Variants in ARMC9 observed in about 807,000 individuals in gnomAD.
ARMC9 encodes lisH domain-containing protein ARMC9.
A neutral mutation model predicts 107.0 loss-of-function variants in ARMC9; 94 were observed. The observed-to-expected ratio is 0.88, with a 90% CI of 0.74 to 1.04. The LOEUF is 1.04. ARMC9 is among the 50% of genes least tolerant of loss of function. The probability of loss-of-function intolerance (pLI) is 0.00; values close to 1 mark genes in which losing one functional copy is unlikely to be tolerated. For missense variants in ARMC9, 942 were observed against 1,030.1 expected (o/e 0.91, Z 1.17); for synonymous variants, 380 against 396.9 (o/e 0.96, Z 0.51).
At chr2:231,204,765 G>A (rs908809509) in intron 1 of ARMC9, among the ~76,000 whole-genome samples, 2 of 152,060 alleles carry the variant, frequency 1.3e-5, no homozygotes, top group Non-Finnish European at 2.9e-5. Context: ...GTATCTGAAG[G>A]AAGGGCAGTG....
rs770507399 is a variant in ARMC9, at chr2:231,358,697, G to C, written c.2132-2057G>C. ...TTGCGCTTTGCGTTCAGTCAGCACC[G>C]CAGGGAAAACTCATGAGGAGGAACC... On this transcript the variant is annotated intron_variant, in intron 22 of 24. Coordinates refer to ENST00000611582, the MANE Select transcript of ARMC9 (RefSeq NM_001352754.2). This position sits in a 1 kb window ranked among gnomAD's most constrained non-coding sequence, Gnocchi z 4.5. Among the ~76,000 whole-genome samples the C allele has an allele frequency of 2.6e-5, 4 of 152,178 alleles. No individual in the cohort carries two copies. Among genetic ancestry groups the C allele is most frequent in the Non-Finnish European group, 5.9e-5 (4 of 68,038 alleles).
intron 19 of ARMC9, among the ~76,000 whole-genome samples, chr2:231,306,927 C>T (rs2042066528): frequency 1.3e-5 from 2 of 152,204 alleles, no homozygotes; most frequent in Non-Finnish European, 2.9e-5. Context: ...ACCAGAGCCA[C>T]AGGTGGCCTT....
In ARMC9 at chr2:231,280,788, C is replaced by T. The variant is rs1318426457; in HGVS notation, c.1552-1271C>T. On this transcript the variant is annotated intron_variant, in intron 16 of 24. Coordinates refer to ENST00000611582, the MANE Select transcript of ARMC9 (RefSeq NM_001352754.2). Reference sequence around the variant, plus strand: ...CTGGTATAAATTGGTAAGTAAAAGTCAAGCAATCCAATCGAAAAGAAGGAT... The same window carrying T: ...CTGGTATAAATTGGTAAGTAAAAGTTAAGCAATCCAATCGAAAAGAAGGAT... Among the ~76,000 whole-genome samples, 4 of 152,152 alleles carry T rather than the reference C, an allele frequency of 2.6e-5. No homozygotes were observed. In the East Asian group the frequency reaches 7.7e-4, roughly 29 times the overall value.
chr2:231,230,433 G>A (rs532033654), intron 7 of ARMC9, among the ~76,000 whole-genome samples: 2 of 152,134 alleles, frequency 1.3e-5, no homozygotes, highest in Non-Finnish European at 2.9e-5. Flanking sequence ...TAAAACTTTT[G>A]ACAGGGAAAA....
rs980766867 is a variant in ARMC9, at chr2:231,376,259, G to C, written c.*4724G>C. ...CAGCAATTGTTCAGGGAATAAGAGA[G>C]ATAACCTTAAACTCTGACCACTGGT... is the stretch of plus-strand genomic sequence containing the variant. On this transcript the variant is annotated 3_prime_UTR_variant, in exon 25 of 25. Coordinates refer to ENST00000611582, the MANE Select transcript of ARMC9 (RefSeq NM_001352754.2). Among the ~76,000 whole-genome samples, 1 of 152,188 alleles carries C rather than the reference G, an allele frequency of 6.6e-6. No individual in the cohort carries two copies. The highest frequency in any genetic ancestry group is 6.5e-5 in the Admixed American group (1 of 15,280).
intron 11 of ARMC9, among the ~76,000 whole-genome samples, chr2:231,261,807 C>T (rs1478823441): frequency 6.6e-6 from 1 of 151,994 alleles, no homozygotes; most frequent in Admixed American, 6.6e-5. Flanking sequence ...CCTGTGTCAC[C>T]CATTAGGACA....
At chr2:231,337,397 G>A (rs1347803157) in intron 20 of ARMC9, among the ~76,000 whole-genome samples, 10 of 142,542 alleles carry the variant, frequency 7.0e-5, no homozygotes, top group South Asian at 4.5e-4. Context: ...TCCCAGGTTC[G>A]AGGATTCTCC....
At chr2:231,315,081 A>G (rs1239171052) in intron 19 of ARMC9, among the ~76,000 whole-genome samples, 1 of 151,866 alleles carries the variant, frequency 6.6e-6, no homozygotes, top group Non-Finnish European at 1.5e-5. Flanking sequence ...TCTATTAAAC[A>G]TACGAAAATT....
chr2:231,200,206 G>T, intron 1 of ARMC9, among the ~76,000 whole-genome samples: 1 of 152,114 alleles, frequency 6.6e-6, no homozygotes, highest in East Asian at 1.9e-4. Flanking sequence ...CTTGAGGTTG[G>T]CCTCAAGGTT....
chr2:231,350,943 ATTCTTTTTT>A (rs1172675061), intron 21 of ARMC9, among the ~76,000 whole-genome samples: 5 of 108,530 alleles, frequency 4.6e-5, no homozygotes, highest in Non-Finnish European at 9.1e-5. Context: ...CAAAGTGACA[ATTCTTTTTT>A]TTTTTTTTTT....
intron 20 of ARMC9, among the ~76,000 whole-genome samples, chr2:231,343,705 G>A (rs1425682096): frequency 6.6e-6 from 1 of 152,094 alleles, no homozygotes; most frequent in Non-Finnish European, 1.5e-5. Context: ...TAGTTCTACT[G>A]TCCTGTAGAG....
rs949989113 is a variant in ARMC9, at chr2:231,371,386, C to A, written c.2435-127C>A. ...CGCCAGTCGAGCCCAGGCCACAGAA[C>A]AGGTGACCTGGGAGAGGGAAGGTTC... is the stretch of plus-strand genomic sequence containing the variant. On this transcript the variant is annotated intron_variant, in intron 24 of 24. Transcript: ENST00000611582. 5.3e-6 allele frequency: 6 copies of A among 1,133,436 alleles called. No individual in the cohort carries two copies. The East Asian group carries it at 1.4e-4, about 26-fold the overall frequency. The allele number at this position is 1,133,436 out of a possible 1,614,324, so 70.2% of individuals were successfully genotyped here.
At chr2:231,335,614 C>T (rs16827947) in intron 20 of ARMC9, among the ~76,000 whole-genome samples, 5,217 of 152,242 alleles carry the variant, frequency 0.034, 126 homozygotes, top group African/African-American at 0.061. Context: ...GGGAGAGTAG[C>T]GATGGCCCCA....
intron 17 of ARMC9, chr2:231,288,770 G>A (rs1408149898): frequency 3.6e-5 from 17 of 469,326 alleles, no homozygotes; most frequent in Admixed American, 9.4e-5. Flanking sequence ...GCTACGCACC[G>A]TGGTTTGACT....
At position 231,313,108 on chromosome 2, in the gene ARMC9, T is replaced by C. The variant is rs140060711; in HGVS notation, c.1773+16855T>C. Among the ~76,000 whole-genome samples the C allele has an allele frequency of 6.8e-3, 1,036 of 152,358 alleles. 12 individuals are homozygous for C. Among genetic ancestry groups the C allele is most frequent in the African/African-American group, 0.024 (996 of 41,574 alleles). Reference sequence around the variant, plus strand: ...TCCAACTAAATTGTGAATTTGCCTATTTTCCCTTTCAATTCTGTCAGTTTT... The same window carrying C: ...TCCAACTAAATTGTGAATTTGCCTACTTTCCCTTTCAATTCTGTCAGTTTT... On this transcript the variant is annotated intron_variant, in intron 19 of 24. Coordinates refer to ENST00000611582, the MANE Select transcript of ARMC9 (RefSeq NM_001352754.2).
chr2:231,344,929 TC>T, intron 20 of ARMC9, 45 bp from the exon 21 acceptor site: 1 of 1,596,022 alleles, frequency 6.3e-7, no homozygotes. Context: ...AGGTCAGCTC[TC>T]TAATAGATAT....
At chr2:231,262,771 C>G (rs1272493654) in intron 12 of ARMC9, among the ~76,000 whole-genome samples, 4 of 152,152 alleles carry the variant, frequency 2.6e-5, no homozygotes, top group Non-Finnish European at 4.4e-5. Context: ...TTCTTTAACA[C>G]AGTACTTTAC....
In ARMC9 at chr2:231,273,081, A is replaced by T. The variant is rs781049794; in HGVS notation, c.1334+3A>T. On this transcript the variant is annotated splice_donor_region_variant and intron_variant, in intron 14 of 24. Coordinates refer to ENST00000611582, the MANE Select transcript of ARMC9 (RefSeq NM_001352754.2). ...GCCCTGCAGAAGTTCAGTCTCAGGTAACGACTGTGCAATAGGTCACGGTGT... is the reference window on the plus strand; with the variant it reads ...GCCCTGCAGAAGTTCAGTCTCAGGTTACGACTGTGCAATAGGTCACGGTGT... 6 of 1,612,562 alleles carry T rather than the reference A, an allele frequency of 3.7e-6. No homozygotes were observed. Among genetic ancestry groups the T allele is most frequent in the Non-Finnish European group, 4.2e-6 (5 of 1,179,114 alleles).
rs139607491 is a variant in ARMC9, at chr2:231,278,389, C to T, written c.1482C>T (p.Asn494=). The T allele has an allele frequency of 6.8e-6, 11 of 1,613,992 alleles. No individual in the cohort carries two copies. In the African/African-American group the frequency reaches 8.0e-5, roughly 12 times the overall value. Residue 494 remains asparagine, a synonymous_variant, in exon 16 of 25, where the codon AAC becomes AAT. Coordinates refer to ENST00000611582, the MANE Select transcript of ARMC9 (RefSeq NM_001352754.2). The stretch of plus-strand genomic sequence containing the variant: ...TTGATTTGTTTCCCATAGGGAAGAA[C>T]ATGTGTGCCAAGGTGGCAGGCCTCG... ...MNLCLRSTGK[N]MCAKVAGLVL...
Sources: gnomAD v4.1 joint callset for allele counts (sites outside exome capture counted in the v4.1 genomes callset) on GRCh38, gnomAD v4.1.1 for gene constraint, Gnocchi (gnomAD v3.1) non-coding constraint, MANE v1.5 for transcripts, NCBI Gene and HGNC (gene_info 2026-07-23, HGNC 2026-07-21) for gene names.